Variants in XKR9 observed in about 807,000 individuals in gnomAD.
The protein encoded by XKR9 is XK-related protein 9.
XKR9 carries 32 observed loss-of-function variants against 32.0 expected under a neutral mutation model. The ratio of observed to expected loss-of-function variants is 1.00; its 90% confidence interval spans 0.76 to 1.34. XKR9 has a LOEUF of 1.34. XKR9 is among the 40% of genes most tolerant of loss of function. The pLI, the probability that XKR9 is intolerant of heterozygous loss-of-function variation, is 0.00. For missense variants in XKR9, 546 were observed against 429.7 expected, an observed-to-expected ratio of 1.27 and a Z score of -2.39; for synonymous variants, 168 against 143.4, an observed-to-expected ratio of 1.17 and a Z score of -1.22.
At chr8:70,829,549 C>T in the XKR9 span, among the ~76,000 whole-genome samples, 4 of 152,212 alleles carry the variant, frequency 2.6e-5, no homozygotes, top group South Asian at 2.1e-4. Context: ...CCCGGGTTCA[C>T]GCCATTCTCC....
the XKR9 span, among the ~76,000 whole-genome samples, chr8:71,026,526 G>A: frequency 4.6e-5 from 7 of 152,240 alleles, no homozygotes; most frequent in Middle Eastern, 0.02. Flanking sequence ...GTGTGTCCTG[G>A]GAGTCCAGAG....
In XKR9 at chr8:70,734,406, A is replaced by G. The variant is rs998279633; in HGVS notation, c.1104A>G (p.Arg368=). The change falls in exon 5 of 5, where the codon AGA becomes AGG. Residue 368 remains arginine (R), a synonymous_variant. Transcript: ENST00000408926. The stretch of plus-strand genomic sequence containing the variant: ...CAGTTCTAAGAGAATGTAGAATGAG[A>G]TATTTCCTAATGGAATAAGCTATTC... ...GKPVLRECRM[R]YFLME is the part of the protein sequence containing the mutation. 6.3e-7 allele frequency: 1 copy of G among 1,586,382 alleles called. No individual in the cohort carries two copies. Among genetic ancestry groups the G allele is most frequent in the South Asian group, 1.2e-5 (1 of 86,372 alleles).
chr8:70,669,371 G>T lies in XKR9; in HGVS notation c.-528G>T. 2.1e-6 allele frequency: 1 copy of T among 483,894 alleles called. No homozygotes were observed. The allele number at this position is 483,894 out of a possible 1,614,324, so 30.0% of individuals were successfully genotyped here. On this transcript the variant is annotated 5_prime_UTR_variant, in exon 1 of 5. Transcript: ENST00000408926. ...ACGTGACGCCGCGCGGGCTGCGCGG[G>T]CAGTGGTGGGAAGGCTGGCGCGAGG...
chr8:70,950,145 C>A, the XKR9 span, among the ~76,000 whole-genome samples: 5 of 152,166 alleles, frequency 3.3e-5, no homozygotes, highest in Non-Finnish European at 5.9e-5. Context: ...CCCTAGTATG[C>A]CCCAGACACT....
the XKR9 span, among the ~76,000 whole-genome samples, chr8:70,941,677 A>G: frequency 2.6e-5 from 4 of 152,166 alleles, no homozygotes; most frequent in African/African-American, 4.8e-5. Context: ...AAAACTAGAT[A>G]TAGAAGTGGC....
At chr8:70,838,660 T>C in the XKR9 span, among the ~76,000 whole-genome samples, 1 of 152,098 alleles carries the variant, frequency 6.6e-6, no homozygotes, top group Non-Finnish European at 1.5e-5. Flanking sequence ...GTCCCATCTT[T>C]CTCTGAAGTT....
the XKR9 span, among the ~76,000 whole-genome samples, chr8:70,798,731 G>A: frequency 6.6e-6 from 1 of 152,204 alleles, no homozygotes; most frequent in East Asian, 1.9e-4. Context: ...TGTACATGGT[G>A]TAAGGAAGAG....
chr8:70,772,720 TA>T (rs1210154551), intron 2 of XKR9, among the ~76,000 whole-genome samples: 3 of 152,002 alleles, frequency 2.0e-5, no homozygotes, highest in Non-Finnish European at 2.9e-5. Context: ...GTAGAAATGT[TA>T]AAAAAAATTA....
At chr8:70,732,821 A>G (rs1044473296) in intron 4 of XKR9, among the ~76,000 whole-genome samples, 2 of 152,196 alleles carry the variant, frequency 1.3e-5, no homozygotes, top group Non-Finnish European at 2.9e-5. Flanking sequence ...CAATCATATT[A>G]TATAGAAAGT....
intron 2 of XKR9, among the ~76,000 whole-genome samples, chr8:70,748,344 T>A (rs1319526730): frequency 6.6e-6 from 1 of 152,098 alleles, no homozygotes; most frequent in Non-Finnish European, 1.5e-5. Flanking sequence ...GAAGCCCCCT[T>A]CCCCCCACAG....
the XKR9 span, among the ~76,000 whole-genome samples, chr8:70,990,997 A>G: frequency 6.6e-5 from 10 of 152,146 alleles, no homozygotes; most frequent in African/African-American, 2.4e-4. Flanking sequence ...CCAAGTCCAT[A>G]TTGATTTTAG....
At position 70,773,381 on chromosome 8, in the gene XKR9, A is replaced by G. The variant is rs115838353; in HGVS notation, n.353-15958A>G. Among the ~76,000 whole-genome samples, 377 of 152,278 alleles carry G rather than the reference A, an allele frequency of 2.5e-3. 5 individuals carry two copies. The highest frequency in any genetic ancestry group is 8.8e-3 in the African/African-American group (364 of 41,566). On this transcript the variant is annotated intron_variant and non_coding_transcript_variant, in intron 2 of 3. Coordinates refer to the XKR9 transcript ENST00000520273. Reference sequence around the variant, plus strand: ...CCTGCAAGAGGCTAATTTGAATACAATCTACTGGCCATGGTCATAGAGCAT... The same window carrying G: ...CCTGCAAGAGGCTAATTTGAATACAGTCTACTGGCCATGGTCATAGAGCAT...
intron 2 of XKR9, among the ~76,000 whole-genome samples, chr8:70,753,557 C>G (rs1349545808): frequency 1.4e-4 from 22 of 152,216 alleles, no homozygotes; most frequent in Non-Finnish European, 3.2e-4. Flanking sequence ...CATCAAAAAG[C>G]TTATCCACCA....
chr8:70,987,402 G>A, the XKR9 span, among the ~76,000 whole-genome samples: 17 of 152,136 alleles, frequency 1.1e-4, no homozygotes, highest in African/African-American at 3.9e-4. Flanking sequence ...ACAACTGTTC[G>A]AAATGGGAGA....
chr8:70,996,136 A>T, the XKR9 span, among the ~76,000 whole-genome samples: 1 of 152,252 alleles, frequency 6.6e-6, no homozygotes, highest in Non-Finnish European at 1.5e-5. Context: ...ACAAGAGAAA[A>T]CTAAATGAAA....
At chr8:70,952,400 TAACC>T in the XKR9 span, among the ~76,000 whole-genome samples, 2 of 152,230 alleles carry the variant, frequency 1.3e-5, no homozygotes, top group Non-Finnish European at 2.9e-5. Flanking sequence ...TTCTTTATAT[TAACC>T]ATTATTCTTC....
intron 3 of XKR9, among the ~76,000 whole-genome samples, chr8:70,687,312 CTCTTTCTTTCTTTCTTTCTTTCTTTCTT>C (rs57039682): frequency 3.6e-5 from 5 of 138,252 alleles, no homozygotes; most frequent in African/African-American, 1.4e-4. Flanking sequence ...TCTCTCCTCC[CTCTTTCTTTCTTTCTTTCTTTCTTTCTT>C]TCTTTCTTTC....
At chr8:71,018,111 C>T in the XKR9 span, among the ~76,000 whole-genome samples, 1 of 152,104 alleles carries the variant, frequency 6.6e-6, no homozygotes, top group Non-Finnish European at 1.5e-5. Flanking sequence ...TCTTATGTCA[C>T]TTTCTTGTAT....
chr8:70,927,546 G>T, the XKR9 span, among the ~76,000 whole-genome samples: 1 of 152,130 alleles, frequency 6.6e-6, no homozygotes, highest in African/African-American at 2.4e-5. Flanking sequence ...TTCCAAGATG[G>T]CGTCTTTTTG....
Sources: allele counts gnomAD v4.1 joint callset (sites outside exome capture counted in the v4.1 genomes callset), GRCh38; gene constraint gnomAD v4.1.1; transcripts MANE v1.5; gene names NCBI Gene and HGNC (gene_info 2026-07-23, HGNC 2026-07-21).